The following COL25A1 variants were observed in gnomAD, a reference collection of about 807,000 sequenced individuals.
COL25A1 encodes collagen type XXV alpha 1 chain.
A neutral mutation model predicts 128.4 loss-of-function variants in COL25A1; 103 were observed. That is an observed-to-expected ratio of 0.80 (90% CI 0.68 to 0.94). COL25A1 has a LOEUF of 0.94. COL25A1 is among the 40% of genes least tolerant of loss of function. COL25A1 has a pLI of 0.00. For synonymous variants in COL25A1, 279 were observed against 277.2 expected, an observed-to-expected ratio of 1.01 and a Z score of -0.06; for missense variants, 745 against 840.0, an observed-to-expected ratio of 0.89 and a Z score of 1.40.
intron 11 of COL25A1, among the ~76,000 whole-genome samples, chr4:108,926,339 A>G (rs1746057612): frequency 6.6e-6 from 1 of 152,184 alleles, no homozygotes; most frequent in South Asian, 2.1e-4. Flanking sequence ...TCTGGACACA[A>G]GAATATACAA....
intron 5 of COL25A1, among the ~76,000 whole-genome samples, chr4:109,024,784 T>C (rs58972789): frequency 0.51 from 77,153 of 151,402 alleles, 22,321 homozygotes; most frequent in African/African-American, 0.77. Context: ...GTTTCTTTCT[T>C]CCAATTCAGG....
At position 109,030,723 on chromosome 4, in the gene COL25A1, G is replaced by C. The variant is rs181386139; in HGVS notation, c.420+17445C>G. 4.6e-5 allele frequency among the ~76,000 whole-genome samples: 7 copies of C among 152,160 alleles called. No homozygotes were observed. The East Asian group carries it at 1.4e-3, about 29-fold the overall frequency. ...CCAGGTGTACCACAATGCAATGCCTGTTAAAAATTTTTAAAAGGGTAAAAC... is the reference window on the plus strand; with the variant it reads ...CCAGGTGTACCACAATGCAATGCCTCTTAAAAATTTTTAAAAGGGTAAAAC... On this transcript the variant is annotated intron_variant, in intron 5 of 37. Coordinates refer to ENST00000399132, the MANE Select transcript of COL25A1 (RefSeq NM_198721.4).
intron 3 of COL25A1, among the ~76,000 whole-genome samples, chr4:109,125,132 G>C (rs1165682300): frequency 1.3e-5 from 2 of 152,070 alleles, no homozygotes; most frequent in African/African-American, 2.4e-5. Context: ...CTACAGACAG[G>C]AAACTGAGTT....
intron 3 of COL25A1, among the ~76,000 whole-genome samples, chr4:109,211,210 CAT>C (rs1175711500): frequency 8.6e-5 from 9 of 104,364 alleles, no homozygotes; most frequent in Admixed American, 6.7e-4. Flanking sequence ...TTTTTAAATA[CAT>C]ATATATATAT....
intron 19 of COL25A1, among the ~76,000 whole-genome samples, chr4:108,873,884 G>A (rs1449353245): frequency 6.6e-5 from 10 of 151,274 alleles, no homozygotes; most frequent in Admixed American, 6.6e-4. Context: ...AGAAGAAAAT[G>A]TTCCTACTTA....
At chr4:109,244,230 C>T (rs985989927) in intron 3 of COL25A1, among the ~76,000 whole-genome samples, 1 of 151,764 alleles carries the variant, frequency 6.6e-6, no homozygotes, top group African/African-American at 2.4e-5. Context: ...ACCGAATTCC[C>T]TAAGTCATGC....
At chr4:109,163,437 T>TA (rs1389660112) in intron 3 of COL25A1, among the ~76,000 whole-genome samples, 4 of 152,000 alleles carry the variant, frequency 2.6e-5, no homozygotes, top group Non-Finnish European at 5.9e-5. Context: ...GACTAGAGAA[T>TA]ATGCAAGGTG....
At chr4:108,827,930 G>T (rs1341167434) in intron 32 of COL25A1, among the ~76,000 whole-genome samples, 1 of 152,022 alleles carries the variant, frequency 6.6e-6, no homozygotes, top group Non-Finnish European at 1.5e-5. Context: ...GACACCAGAA[G>T]ACCCATAAAG....
chr4:108,974,569 A>G lies in COL25A1; in HGVS notation c.439-10T>C. ...TTGGACCAGGAGGGCCCTGAAAAAA[A>G]GAAAGAGAAAAAAAATTTTAATTAA... On this transcript the variant is annotated splice_polypyrimidine_tract_variant and intron_variant, in intron 6 of 37. Coordinates refer to ENST00000399132, the MANE Select transcript of COL25A1 (RefSeq NM_198721.4). 1 of 1,525,918 alleles carries G rather than the reference A, an allele frequency of 6.6e-7. No homozygotes were observed. Among genetic ancestry groups the G allele is most frequent in the Non-Finnish European group, 8.9e-7 (1 of 1,118,708 alleles). The allele number at this position is 1,525,918 out of a possible 1,614,324, so 94.5% of individuals were successfully genotyped here.
intron 26 of COL25A1, among the ~76,000 whole-genome samples, chr4:108,851,169 A>G (rs6836548): frequency 0.78 from 119,106 of 151,856 alleles, 47,274 homozygotes; most frequent in South Asian, 0.88. Flanking sequence ...AGTGTTGCTC[A>G]CCAAGAATAA....
chr4:109,052,470 T>G (rs1403988442), intron 3 of COL25A1, among the ~76,000 whole-genome samples: 1 of 152,156 alleles, frequency 6.6e-6, no homozygotes, highest in Non-Finnish European at 1.5e-5. Context: ...AGAAAATGAA[T>G]TTAAACTAAG....
intron 6 of COL25A1, among the ~76,000 whole-genome samples, chr4:108,990,936 T>A (rs28704744): frequency 0.8 from 121,109 of 152,168 alleles, 49,364 homozygotes; most frequent in East Asian, 1. Context: ...TGTGTTTCAT[T>A]TGCTATTGTA....
intron 3 of COL25A1, among the ~76,000 whole-genome samples, chr4:109,097,263 C>T (rs550924474): frequency 2.0e-5 from 3 of 152,204 alleles, no homozygotes; most frequent in Non-Finnish European, 2.9e-5. Context: ...AAACAATGGC[C>T]TCTCATAATT....
At chr4:108,821,389 G>A (rs1823763) in intron 35 of COL25A1, among the ~76,000 whole-genome samples, 91,791 of 151,926 alleles carry the variant, frequency 0.6, 28,192 homozygotes, top group South Asian at 0.74. Flanking sequence ...GAGTAAGTTG[G>A]TCACTCACTC....
chr4:109,171,593 A>G (rs1773592149), intron 3 of COL25A1, among the ~76,000 whole-genome samples: 1 of 152,212 alleles, frequency 6.6e-6, no homozygotes, highest in Non-Finnish European at 1.5e-5. Flanking sequence ...AAAAGTGAAA[A>G]TAAGAGGAGA....
chr4:109,116,169 C>T (rs1236121360), intron 3 of COL25A1, among the ~76,000 whole-genome samples: 1 of 152,040 alleles, frequency 6.6e-6, no homozygotes, highest in African/African-American at 2.4e-5. Context: ...ATGGGGCCCC[C>T]ACACTTTTGT....
intron 3 of COL25A1, among the ~76,000 whole-genome samples, chr4:109,187,196 T>C (rs1257581427): frequency 8.5e-5 from 9 of 105,942 alleles, no homozygotes; most frequent in African/African-American, 3.4e-4. Flanking sequence ...ATTCTCTTGC[T>C]CTCTACACAC....
chr4:109,172,034 G>A (rs1773640338), intron 3 of COL25A1, among the ~76,000 whole-genome samples: 1 of 152,108 alleles, frequency 6.6e-6, no homozygotes. Context: ...AATCGTTCCA[G>A]GCATTTTAAG....
chr4:109,228,727 T>A (rs1037950852), intron 3 of COL25A1, among the ~76,000 whole-genome samples: 2 of 152,130 alleles, frequency 1.3e-5, no homozygotes, highest in African/African-American at 2.4e-5. Context: ...ATATGAAAAC[T>A]TGCTATAGGA....
Sources: allele counts gnomAD v4.1 joint callset (sites outside exome capture counted in the v4.1 genomes callset), GRCh38; gene constraint gnomAD v4.1.1; transcripts MANE v1.5; gene names NCBI Gene and HGNC (gene_info 2026-07-23, HGNC 2026-07-21).